Variants in LHFPL3 observed in about 807,000 individuals in gnomAD.
LHFPL3 encodes LHFPL tetraspan subfamily member 3.
A neutral mutation model predicts 19.3 loss-of-function variants in LHFPL3; 5 were observed. That is an observed-to-expected ratio of 0.26 (90% CI 0.14 to 0.54). The LOEUF (loss-of-function observed/expected upper bound fraction) is 0.54, where lower values mean the gene tolerates loss of function less well. LHFPL3 is among the 20% of genes least tolerant of loss of function. LHFPL3 has a pLI of 0.94. For synonymous variants in LHFPL3, 133 were observed against 126.2 expected, an observed-to-expected ratio of 1.05 and a Z score of -0.36; for missense variants, 249 against 307.4, an observed-to-expected ratio of 0.81 and a Z score of 1.42.
Position 104,753,704 on chromosome 7 carries a change from G to GA in LHFPL3, c.682+16803dup, listed in dbSNP as rs980583007. On this transcript the variant is annotated intron_variant, in intron 2 of 2. Coordinates refer to ENST00000424859, the MANE Select transcript of LHFPL3 (RefSeq NM_199000.3). The stretch of plus-strand genomic sequence containing the variant: ...GCAAAGGATTCCTCTGAATCAATAA[G>GA]AAAAAAAAAAGCTCAATTACAAAAT... 7.8e-3 allele frequency among the ~76,000 whole-genome samples: 1,104 copies of GA among 141,158 alleles called. 13 individuals are homozygous for GA. The highest frequency in any genetic ancestry group is 0.026 in the African/African-American group (989 of 38,396). 92.6% of individuals were successfully genotyped at this position (141,158 alleles called of 152,430 possible).
chr7:104,426,149 GATTTTA>G (rs1377829978), intron 1 of LHFPL3, among the ~76,000 whole-genome samples: 2 of 152,170 alleles, frequency 1.3e-5, no homozygotes, highest in Non-Finnish European at 2.9e-5. Context: ...TGTATGGTAG[GATTTTA>G]ATTTTAACTT....
At chr7:104,484,536 A>G (rs1043695578) in intron 1 of LHFPL3, among the ~76,000 whole-genome samples, 12 of 152,152 alleles carry the variant, frequency 7.9e-5, no homozygotes, top group African/African-American at 2.9e-4. Context: ...CCTTCTTAGA[A>G]TCTCTCTTCT....
chr7:104,729,925 G>A (rs1025230213), intron 1 of LHFPL3, among the ~76,000 whole-genome samples: 7 of 151,186 alleles, frequency 4.6e-5, no homozygotes, highest in Non-Finnish European at 8.8e-5. Flanking sequence ...GCCCCAGTGT[G>A]TGATGTTCCC....
At chr7:104,563,039 T>A (rs200764605) in intron 1 of LHFPL3, among the ~76,000 whole-genome samples, 5 of 152,088 alleles carry the variant, frequency 3.3e-5, no homozygotes, top group Admixed American at 6.6e-5. Flanking sequence ...GTCTGCCCAT[T>A]CTCAGATCTC....
intron 2 of LHFPL3, among the ~76,000 whole-genome samples, chr7:104,840,474 C>CTTTT (rs71155530): frequency 2.6e-4 from 17 of 65,580 alleles, no homozygotes; most frequent in South Asian, 1.9e-3. Flanking sequence ...TTTTCTTTTC[C>CTTTT]TTTTTTTTTT....
intron 1 of LHFPL3, among the ~76,000 whole-genome samples, chr7:104,451,807 T>C (rs986347905): frequency 1.3e-5 from 2 of 152,098 alleles, no homozygotes; most frequent in Admixed American, 6.6e-5. Context: ...TGCAGTGGCA[T>C]GATCTCGGCT....
chr7:104,628,172 A>C (rs1791580572), intron 1 of LHFPL3, among the ~76,000 whole-genome samples: 1 of 152,182 alleles, frequency 6.6e-6, no homozygotes, highest in African/African-American at 2.4e-5. Flanking sequence ...AAAATCAGAT[A>C]CACATGGCCC....
chr7:104,853,894 CTG>C (rs1791454700), intron 2 of LHFPL3, among the ~76,000 whole-genome samples: 1 of 152,052 alleles, frequency 6.6e-6, no homozygotes, highest in African/African-American at 2.4e-5. Flanking sequence ...CAATTTCTGA[CTG>C]TAGGTAATTT....
At position 104,556,332 on chromosome 7, in the gene LHFPL3, G is replaced by T. The variant is rs573089040; in HGVS notation, c.446-180343G>T. On this transcript the variant is annotated intron_variant, in intron 1 of 2. Transcript: ENST00000424859. Reference sequence around the variant, plus strand: ...CAGCAAACTCTGCCTGGGCATCCAGGTGTTTCCATATATCCTCTGAAATCT... The same window carrying T: ...CAGCAAACTCTGCCTGGGCATCCAGTTGTTTCCATATATCCTCTGAAATCT... Among the ~76,000 whole-genome samples the T allele has an allele frequency of 3.9e-5, 6 of 152,318 alleles. No individual in the cohort carries two copies. The East Asian group carries it at 9.7e-4, about 25-fold the overall frequency.
At chr7:104,329,361 G>A in intron 1 of LHFPL3, 137 bp downstream of exon 1, 2 of 1,164,210 alleles carry the variant, frequency 1.7e-6, no homozygotes, top group Non-Finnish European at 2.3e-6. Flanking sequence ...TCGAGGTGTG[G>A]GGGGCGGGAG....
chr7:104,448,318 G>A (rs764536099), intron 1 of LHFPL3, among the ~76,000 whole-genome samples: 1 of 152,164 alleles, frequency 6.6e-6, no homozygotes, highest in Non-Finnish European at 1.5e-5. Flanking sequence ...AGAAATAACT[G>A]TAGCCAAATT....
rs146353835 is a variant in LHFPL3, at chr7:104,576,402, A to C, written c.446-160273A>C. 5.0e-3 allele frequency among the ~76,000 whole-genome samples: 754 copies of C among 152,302 alleles called. 6 individuals carry two copies. Among genetic ancestry groups the C allele is most frequent in the African/African-American group, 0.017 (693 of 41,566 alleles). ...AGGTGAAAATCAGGACTGCAAACAC[A>C]CTATTTATACTTAGATTGTATGTTC... On this transcript the variant is annotated intron_variant, in intron 1 of 2. Transcript: ENST00000424859.
intron 1 of LHFPL3, among the ~76,000 whole-genome samples, chr7:104,717,543 T>A (rs943191458): frequency 1.3e-5 from 2 of 152,112 alleles, no homozygotes; most frequent in African/African-American, 2.4e-5. Context: ...GGCCAATGGG[T>A]ATATAAAAAT....
intron 2 of LHFPL3, among the ~76,000 whole-genome samples, chr7:104,880,424 A>T (rs1792026034): frequency 6.6e-6 from 1 of 152,136 alleles, no homozygotes; most frequent in Admixed American, 6.5e-5. Flanking sequence ...TTTCTGCATA[A>T]ATTACCCTGC....
chr7:104,482,944 G>A (rs1011627501), intron 1 of LHFPL3, among the ~76,000 whole-genome samples: 28 of 152,178 alleles, frequency 1.8e-4, no homozygotes, highest in Admixed American at 1.4e-3. Context: ...TTATCTGCCC[G>A]TATTGACGTA....
At chr7:104,427,957 T>A (rs2116548985) in intron 1 of LHFPL3, among the ~76,000 whole-genome samples, 1 of 152,254 alleles carries the variant, frequency 6.6e-6, no homozygotes, top group East Asian at 1.9e-4. Context: ...AAAGCTGAGA[T>A]TACATAGCAT....
intron 1 of LHFPL3, among the ~76,000 whole-genome samples, chr7:104,527,544 T>C (rs530557706): frequency 1.3e-5 from 2 of 152,172 alleles, no homozygotes; most frequent in Non-Finnish European, 1.5e-5. Context: ...TCCCCAGAAA[T>C]AGGAAGAGTG....
chr7:104,440,568 C>CAT lies in LHFPL3; in HGVS notation c.445+111356_445+111357dup, dbSNP rs750922781. Among the ~76,000 whole-genome samples, 339 of 151,546 alleles carry CAT rather than the reference C, an allele frequency of 2.2e-3. 1 individual carries two copies. Among genetic ancestry groups the CAT allele is most frequent in the African/African-American group, 7.3e-3 (302 of 41,318 alleles). On this transcript the variant is annotated intron_variant, in intron 1 of 2. Transcript: ENST00000424859. Reference sequence around the variant, plus strand: ...CCCTAGAACTTAAAGTATAATAAAACATATATATATATAAAAATACAAAGC... The same window carrying CAT: ...CCCTAGAACTTAAAGTATAATAAAACATATATATATATATAAAAATACAAAGC...
chr7:104,442,605 G>A (rs1407433396), intron 1 of LHFPL3, among the ~76,000 whole-genome samples: 2 of 152,166 alleles, frequency 1.3e-5, no homozygotes, highest in Non-Finnish European at 2.9e-5. Flanking sequence ...GTAGAATCTG[G>A]GTTTTTAGGT....
Sources: gnomAD v4.1 joint callset for allele counts (sites outside exome capture counted in the v4.1 genomes callset) on GRCh38, gnomAD v4.1.1 for gene constraint, MANE v1.5 for transcripts, NCBI Gene and HGNC (gene_info 2026-07-23, HGNC 2026-07-21) for gene names.